The following ZIC4 variants were observed in gnomAD, a reference collection of about 807,000 sequenced individuals.
ZIC4 encodes the protein zinc finger protein ZIC 4.
A neutral mutation model predicts 28.8 loss-of-function variants in ZIC4; 15 were observed. The ratio of observed to expected loss-of-function variants is 0.52; its 90% CI spans 0.35 to 0.80. ZIC4 has a LOEUF of 0.80. Ranked by LOEUF, ZIC4 falls within the 30% of genes least tolerant of loss-of-function variation. The pLI is 0.01. For missense variants in ZIC4, 512 were observed against 467.1 expected (o/e 1.10, Z -0.89); for synonymous variants, 220 against 198.1 (o/e 1.11, Z -0.93).
chr3:147,398,274 C>T (rs1488411009), intron 2 of ZIC4, among the ~76,000 whole-genome samples: 8 of 152,200 alleles, frequency 5.3e-5, no homozygotes. Flanking sequence ...CTTTCAGCTT[C>T]GGCTACTTGT....
At chr3:147,393,128 C>T (rs2086960464) in intron 3 of ZIC4, among the ~76,000 whole-genome samples, 1 of 151,918 alleles carries the variant, frequency 6.6e-6, no homozygotes, top group Admixed American at 6.6e-5. Context: ...TGCCCCTCCC[C>T]AACAACCCCC....
At chr3:147,403,002 T>C (rs1309422860) in intron 1 of ZIC4, among the ~76,000 whole-genome samples, 190 bp from the exon 2 acceptor site, 1 of 152,186 alleles carries the variant, frequency 6.6e-6, no homozygotes, top group Non-Finnish European at 1.5e-5. Context: ...TATTGCAAAA[T>C]GATATATCTT....
intron 3 of ZIC4, among the ~76,000 whole-genome samples, chr3:147,394,845 C>A (rs1001068378): frequency 6.6e-5 from 10 of 152,180 alleles, no homozygotes; most frequent in Admixed American, 5.9e-4. Flanking sequence ...TTAGGAAGTT[C>A]TTTGACTCCA....
chr3:147,395,220 A>T (rs908642196), intron 3 of ZIC4, among the ~76,000 whole-genome samples: 2 of 152,154 alleles, frequency 1.3e-5, no homozygotes, highest in Non-Finnish European at 2.9e-5. Flanking sequence ...TGTTAACTAG[A>T]AGTAGCAGAT....
intron 3 of ZIC4, 98 bp downstream of exon 3, chr3:147,395,754 T>C (rs1172660117): frequency 1.3e-6 from 2 of 1,509,066 alleles, no homozygotes; most frequent in Admixed American, 2.2e-5. Context: ...AACCCCAAAA[T>C]ATTTCCCCCT....
intron 3 of ZIC4, chr3:147,392,236 G>T: frequency 1.0e-6 from 1 of 985,752 alleles, no homozygotes; most frequent in Non-Finnish European, 1.2e-6. Flanking sequence ...CTGCGGCTTC[G>T]GGAAGAAAAC....
Position 147,396,450 on chromosome 3 carries a change from A to G in ZIC4, c.90T>C (p.His30=), listed in dbSNP as rs1455806767. 4 of 1,519,052 alleles carry G rather than the reference A, an allele frequency of 2.6e-6. No homozygotes were observed. The highest frequency in any genetic ancestry group is 3.5e-6 in the Non-Finnish European group (4 of 1,137,640). The allele number at this position is 1,519,052 out of a possible 1,614,324, so 94.1% of individuals were successfully genotyped here. The change falls in exon 3 of 5, where the codon CAT becomes CAC. Residue 30 remains histidine (H), a synonymous_variant. Coordinates refer to ENST00000383075, the MANE Select transcript of ZIC4 (RefSeq NM_032153.6). The surrounding 1 kb of genome is among the most constrained non-coding windows in gnomAD (Gnocchi z 4.2). ...LKESSSSSGH[H]GPQLTAASSP... ...TGGAGGCGGCGGTGAGCTGGGGGCC[A>G]TGGTGTCCAGAGCTGCTACCTGTTG... is the stretch of plus-strand genomic sequence containing the variant.
At chr3:147,404,260 T>A (rs2087228395) in intron 1 of ZIC4, 1 of 1,435,136 alleles carries the variant, frequency 7.0e-7, no homozygotes, top group Admixed American at 2.8e-5. Flanking sequence ...CCAACCCAAC[T>A]TCTAAGAGGT....
chr3:147,390,892 G>A (rs1370559928), intron 4 of ZIC4, 39 bp downstream of exon 4: 10 of 1,563,724 alleles, frequency 6.4e-6, no homozygotes, highest in Non-Finnish European at 8.7e-6. Context: ...GATCGCGGCG[G>A]GGGCAGCCGC....
chr3:147,399,832 A>G (rs1379250765), intron 2 of ZIC4, among the ~76,000 whole-genome samples: 2 of 151,876 alleles, frequency 1.3e-5, no homozygotes, highest in African/African-American at 4.8e-5. Flanking sequence ...TGCCCAGCTA[A>G]TTTTTGTATT....
intron 3 of ZIC4, chr3:147,391,689 CT>C (rs993410434): frequency 1.9e-5 from 3 of 157,784 alleles, no homozygotes; most frequent in African/African-American, 7.2e-5. Flanking sequence ...AGACTAACTT[CT>C]CTGCCGCTAC....
chr3:147,400,193 T>C (rs1576462739), intron 2 of ZIC4, among the ~76,000 whole-genome samples: 1 of 152,172 alleles, frequency 6.6e-6, no homozygotes, highest in Admixed American at 6.5e-5. Context: ...GGCATTTTTT[T>C]CTCCTCCAAG....
At chr3:147,397,982 C>A (rs1039277639) in intron 2 of ZIC4, among the ~76,000 whole-genome samples, 2 of 151,898 alleles carry the variant, frequency 1.3e-5, no homozygotes, top group Admixed American at 1.3e-4. Context: ...CAAAGACGCG[C>A]GAAACTCAAG....
rs1253527772 is a variant in ZIC4 at position 147,396,327 on chromosome 3, C to T, written c.213G>A (p.Met71Ile). Residue 71 changes from methionine (M) to isoleucine (I), a missense_variant, in exon 3 of 5, where the codon ATG becomes ATA. By Grantham distance (10) the Met-to-Ile change is conservative. Transcript: ENST00000383075. The surrounding 1 kb of genome is among the most constrained non-coding windows in gnomAD (Gnocchi z 4.2). ...GLLRLGLPGD[M>I]YARPEPFPPG... ...GCGGGAAGGGCTCCGGCCGCGCGTA[C>T]ATGTCTCCAGGGAGCCCCAGACGCA... The T allele has an allele frequency of 6.3e-6, 10 of 1,592,096 alleles. No individual in the cohort carries two copies. The highest frequency in any genetic ancestry group is 1.1e-5 in the South Asian group (1 of 88,252).
intron 4 of ZIC4, 89 bp downstream of exon 4, chr3:147,390,842 C>G: frequency 1.4e-6 from 2 of 1,452,836 alleles, no homozygotes; most frequent in Admixed American, 2.4e-5. Flanking sequence ...CCGGAGGCGG[C>G]GGCGGCAGCA....
chr3:147,400,794 G>A (rs2087149507), intron 2 of ZIC4, among the ~76,000 whole-genome samples: 1 of 152,106 alleles, frequency 6.6e-6, no homozygotes, highest in Non-Finnish European at 1.5e-5. Flanking sequence ...TGGGAAGCAG[G>A]GAACCCAGGC....
chr3:147,402,813 C>G lies in ZIC4; in HGVS notation c.-15-1G>C. On this transcript the variant is annotated splice_acceptor_variant, in intron 1 of 4. Coordinates refer to ENST00000383075, the MANE Select transcript of ZIC4 (RefSeq NM_032153.6). LOFTEE classifies it low-confidence loss of function (5UTR_SPLICE). The stretch of plus-strand genomic sequence containing the variant: ...TGTATCTCATTTTCTGACTTTGAGC[C>G]TGTTTGGGAAGAAAAGAGTGACAGT... 6.2e-7 allele frequency: 1 copy of G among 1,613,148 alleles called. No homozygotes were observed. The highest frequency in any genetic ancestry group is 8.5e-7 in the Non-Finnish European group (1 of 1,179,670).
intron 1 of ZIC4, chr3:147,405,535 T>C: frequency 6.7e-7 from 1 of 1,494,070 alleles, no homozygotes; most frequent in Non-Finnish European, 9.0e-7. Flanking sequence ...CTCAGCTCTA[T>C]TCCCTCCTCA....
intron 1 of ZIC4, chr3:147,405,238 G>T: frequency 1.3e-6 from 1 of 786,962 alleles, no homozygotes; most frequent in Non-Finnish European, 2.0e-6. Flanking sequence ...AGTAGATCAG[G>T]CTGGGCATTT....
Sources: gnomAD v4.1 joint callset for allele counts (sites outside exome capture counted in the v4.1 genomes callset) on GRCh38, gnomAD v4.1.1 for gene constraint, Gnocchi (gnomAD v3.1) non-coding constraint, MANE v1.5 for transcripts, NCBI Gene and HGNC (gene_info 2026-07-23, HGNC 2026-07-21) for gene names.